SLCO1B1: variants seen among roughly 807,000 people sequenced by gnomAD.
The protein encoded by SLCO1B1 is OATP-2.
A neutral mutation model predicts 70.1 loss-of-function variants in SLCO1B1; 81 were observed. The ratio of observed to expected loss-of-function variants is 1.16; its 90% CI spans 0.97 to 1.39. The LOEUF (loss-of-function observed/expected upper bound fraction) is 1.39, where lower values mean the gene tolerates loss of function less well. SLCO1B1 is among the 40% of genes most tolerant of loss of function. The probability of loss-of-function intolerance (pLI) is 0.00; values close to 1 mark genes in which losing one functional copy is unlikely to be tolerated. For missense variants in SLCO1B1, 895 were observed against 799.6 expected (o/e 1.12, Z -1.44); for synonymous variants, 283 against 271.5 (o/e 1.04, Z -0.42).
At chr12:21,205,389 T>A (rs942168910) in intron 10 of SLCO1B1, among the ~76,000 whole-genome samples, 3 of 151,856 alleles carry the variant, frequency 2.0e-5, no homozygotes, top group African/African-American at 7.2e-5. Flanking sequence ...AGCATGTCTG[T>A]TTTTTTCTTA....
intron 7 of SLCO1B1, among the ~76,000 whole-genome samples, chr12:21,181,675 AC>A (rs1940899461): frequency 1.3e-5 from 2 of 152,222 alleles, no homozygotes; most frequent in South Asian, 4.2e-4. Flanking sequence ...TATGGTAAGA[AC>A]AATTAAAATG....
At chr12:21,194,451 G>C (rs897265325) in intron 7 of SLCO1B1, among the ~76,000 whole-genome samples, 1 of 151,338 alleles carries the variant, frequency 6.6e-6, no homozygotes, top group South Asian at 2.1e-4. Flanking sequence ...GGGTTGTTTT[G>C]TTTTGCTAAG....
At chr12:21,144,081 G>A (rs1360256473) in intron 2 of SLCO1B1, among the ~76,000 whole-genome samples, 1 of 152,076 alleles carries the variant, frequency 6.6e-6, no homozygotes, top group Non-Finnish European at 1.5e-5. Flanking sequence ...GAACCTGCTA[G>A]TATATGTTTC....
rs755253135 is a variant in SLCO1B1, at chr12:21,196,988, C to A, written c.770C>A (p.Ala257Asp). The A allele has an allele frequency of 6.2e-7, 1 of 1,613,442 alleles. No homozygotes were observed. The highest frequency in any genetic ancestry group is 8.5e-7 in the Non-Finnish European group (1 of 1,179,548). The part of the protein sequence containing the change: ...ITPTDSRWVG[A>D]WWLNFLVSGL... The stretch of plus-strand genomic sequence containing the variant: ...CCTACTGATTCTCGATGGGTTGGAG[C>A]TTGGTGGCTTAATTTCCTTGTGTCT... Residue 257 changes from alanine (A) to aspartate (D), a missense_variant, in exon 8 of 15, where the codon GCT becomes GAT. By Grantham distance (126) the Ala-to-Asp change is moderately radical (BLOSUM62 -2). Coordinates refer to ENST00000256958, the MANE Select transcript of SLCO1B1 (RefSeq NM_006446.5).
intron 2 of SLCO1B1, among the ~76,000 whole-genome samples, chr12:21,159,112 T>C (rs10743410): frequency 0.97 from 147,573 of 152,204 alleles, 71,736 homozygotes; most frequent in East Asian, 1. Context: ...AGTCCCTCTG[T>C]GATAGTAAAC....
intron 2 of SLCO1B1, among the ~76,000 whole-genome samples, chr12:21,164,041 A>T (rs1353223724): frequency 6.6e-6 from 1 of 152,200 alleles, no homozygotes; most frequent in East Asian, 1.9e-4. Context: ...AAACTCTTTA[A>T]ATTTTTACTG....
At chr12:21,213,877 T>C (rs1229041912) in intron 11 of SLCO1B1, among the ~76,000 whole-genome samples, 1 of 150,642 alleles carries the variant, frequency 6.6e-6, no homozygotes, top group African/African-American at 2.4e-5. Context: ...GGCTTCTGCA[T>C]TCTCCACGTA....
Position 21,200,546 on chromosome 12 carries a change from C to T in SLCO1B1, c.1009C>T (p.Leu337=), listed in dbSNP as rs1257129518. 1.2e-6 allele frequency: 2 copies of T among 1,600,620 alleles called. No homozygotes were observed. Among genetic ancestry groups the T allele is most frequent in the South Asian group, 1.1e-5 (1 of 88,796 alleles). Residue 337 remains leucine, a synonymous_variant, in exon 9 of 15, where the codon CTG becomes TTG. Transcript: ENST00000256958. ...QSFKSILTNP[L]YVMFVLLTLL... ...TTTTAAAAGCATCCTTACTAATCCC[C>T]TGTATGTTATGTTTGTGCTTTTGAC...
At chr12:21,175,115 C>G (rs1213383557) in intron 4 of SLCO1B1, among the ~76,000 whole-genome samples, 1 of 152,112 alleles carries the variant, frequency 6.6e-6, no homozygotes, top group Non-Finnish European at 1.5e-5. Flanking sequence ...GTTATAATTA[C>G]AGTCAGATGC....
At chr12:21,153,307 A>C (rs904769037) in intron 2 of SLCO1B1, among the ~76,000 whole-genome samples, 8 of 152,178 alleles carry the variant, frequency 5.3e-5, no homozygotes, top group African/African-American at 1.4e-4. Flanking sequence ...CATGTCTTAC[A>C]GTTCTACATT....
At chr12:21,177,746 C>T (rs545791555) in intron 5 of SLCO1B1, among the ~76,000 whole-genome samples, 12 of 151,930 alleles carry the variant, frequency 7.9e-5, no homozygotes, top group Admixed American at 7.9e-4. Context: ...CATGATAAAC[C>T]TAATAGAATA....
intron 2 of SLCO1B1, among the ~76,000 whole-genome samples, chr12:21,151,444 C>T (rs539937136): frequency 6.6e-6 from 1 of 152,190 alleles, no homozygotes; most frequent in South Asian, 2.1e-4. Context: ...TAATACTTTC[C>T]TTCCATTTCT....
Position 21,239,182 on chromosome 12 carries a change from A to T in SLCO1B1, c.2069A>T (p.His690Leu), listed in dbSNP as rs1487527893. Residue 690 changes from histidine (H) to leucine (L), a missense_variant, in exon 15 of 15, where the codon CAT (histidine) becomes CTT (leucine). Coordinates refer to ENST00000256958, the MANE Select transcript of SLCO1B1 (RefSeq NM_006446.5). Reference sequence around the variant, plus strand: ...TCTGCTGGGGCAGATAGTGAAACACATTGTTAAGGGGAGAAAAAAAGCCAC... The same window carrying T: ...TCTGCTGGGGCAGATAGTGAAACACTTTGTTAAGGGGAGAAAAAAAGCCAC... ...VPSAGADSET[H>L]C The T allele has an allele frequency of 6.2e-7, 1 of 1,610,218 alleles. No individual in the cohort carries two copies. Among genetic ancestry groups the T allele is most frequent in the African/African-American group, 1.3e-5 (1 of 74,970 alleles).
chr12:21,202,030 T>C (rs1941164346), intron 9 of SLCO1B1, among the ~76,000 whole-genome samples: 1 of 151,996 alleles, frequency 6.6e-6, no homozygotes, highest in Non-Finnish European at 1.5e-5. Flanking sequence ...TATGCAGCCA[T>C]AAAAAAGAAT....
At chr12:21,139,510 A>G (rs1940277696) in intron 1 of SLCO1B1, among the ~76,000 whole-genome samples, 1 of 152,142 alleles carries the variant, frequency 6.6e-6, no homozygotes, top group African/African-American at 2.4e-5. Flanking sequence ...TTCCACATTT[A>G]TGCACTATCC....
chr12:21,144,744 G>T (rs1414998206), intron 2 of SLCO1B1, among the ~76,000 whole-genome samples: 1 of 152,126 alleles, frequency 6.6e-6, no homozygotes, highest in East Asian at 1.9e-4. Flanking sequence ...AGCTAGAAGA[G>T]ATTGGGGACC....
At chr12:21,219,234 G>A (rs1458544533) in intron 12 of SLCO1B1, among the ~76,000 whole-genome samples, 2 of 152,172 alleles carry the variant, frequency 1.3e-5, no homozygotes, top group Non-Finnish European at 2.9e-5. Context: ...ATAGGCAAGA[G>A]ATACTAGTTC....
chr12:21,185,467 A>G (rs1390520025), intron 7 of SLCO1B1, among the ~76,000 whole-genome samples: 2 of 152,126 alleles, frequency 1.3e-5, no homozygotes, highest in Admixed American at 1.3e-4. Flanking sequence ...AAAACCACCC[A>G]AAAGTATGGT....
At position 21,178,919 on chromosome 12, in the gene SLCO1B1, C is replaced by A; in HGVS notation, c.629-3C>A. 6.3e-7 allele frequency: 1 copy of A among 1,597,144 alleles called. No individual in the cohort carries two copies. Among genetic ancestry groups the A allele is most frequent in the Non-Finnish European group, 8.6e-7 (1 of 1,165,570 alleles). ...TAGTAAAATTGCTTTATAATATTTTCAGGTATATTGAATGCAATAGCAATG... is the reference window on the plus strand; with the variant it reads ...TAGTAAAATTGCTTTATAATATTTTAAGGTATATTGAATGCAATAGCAATG... On this transcript the variant is annotated splice_region_variant and splice_polypyrimidine_tract_variant and intron_variant, in intron 6 of 14. Coordinates refer to ENST00000256958, the MANE Select transcript of SLCO1B1 (RefSeq NM_006446.5).
Sources: allele counts gnomAD v4.1 joint callset (sites outside exome capture counted in the v4.1 genomes callset), GRCh38; gene constraint gnomAD v4.1.1; transcripts MANE v1.5; gene names NCBI Gene and HGNC (gene_info 2026-07-23, HGNC 2026-07-21).